Variants in ARHGDIB observed in about 807,000 individuals in gnomAD.
ARHGDIB encodes the protein Rho GDP dissociation inhibitor beta.
ARHGDIB carries 20 observed loss-of-function variants against 22.6 expected under a neutral mutation model. The observed-to-expected ratio is 0.88, with a 90% CI of 0.62 to 1.28. The LOEUF (loss-of-function observed/expected upper bound fraction) is 1.28, where lower values mean the gene tolerates loss of function less well. Among genes scored for constraint, ARHGDIB ranks in the 50% most tolerant of loss-of-function variants. The pLI, the probability that ARHGDIB is intolerant of heterozygous loss-of-function variation, is 0.00. For synonymous variants in ARHGDIB, 114 were observed against 96.1 expected (o/e 1.19, Z -1.09); for missense variants, 254 against 245.4 (o/e 1.04, Z -0.23).
chr12:14,942,146 A>G lies in ARHGDIB; in HGVS notation c.*376T>C, dbSNP rs970559454. 5 of 226,224 alleles carry G rather than the reference A, an allele frequency of 2.2e-5. No homozygotes were observed. The highest frequency in any genetic ancestry group is 2.1e-4 in the Admixed American group (4 of 19,434). 14.0% of individuals were successfully genotyped at this position (226,224 alleles called of 1,614,324 possible). A position where few individuals can be genotyped will look rare whatever the true frequency, so the allele number is the denominator to read the frequency against. ...ACTCATTGGGCCAGCAACAACCACA[A>G]AAGAATCTAGGCATTAGAATGAACT... On this transcript the variant is annotated 3_prime_UTR_variant, in exon 6 of 6. Coordinates refer to ENST00000228945, the MANE Select transcript of ARHGDIB (RefSeq NM_001175.7).
At chr12:14,950,419 CT>C in intron 2 of ARHGDIB, 112 bp downstream of exon 2, 4 of 929,904 alleles carry the variant, frequency 4.3e-6, no homozygotes, top group Non-Finnish European at 6.5e-6. Context: ...GCCTCGCTCA[CT>C]TTTTCCTGGA....
chr12:14,960,378 G>A (rs767080404), intron 1 of ARHGDIB, among the ~76,000 whole-genome samples: 2 of 152,104 alleles, frequency 1.3e-5, no homozygotes, highest in Non-Finnish European at 2.9e-5. Flanking sequence ...CATTTTGAAG[G>A]CCCACTGATC....
intron 1 of ARHGDIB, among the ~76,000 whole-genome samples, chr12:14,952,989 G>A (rs2120736203): frequency 6.6e-6 from 1 of 152,284 alleles, no homozygotes; most frequent in South Asian, 2.1e-4. Flanking sequence ...GAGAAAGAGA[G>A]CGAGAGAGGG....
At chr12:14,945,886 G>A (rs1864002097) in intron 4 of ARHGDIB, among the ~76,000 whole-genome samples, 1 of 152,188 alleles carries the variant, frequency 6.6e-6, no homozygotes, top group South Asian at 2.1e-4. Flanking sequence ...CTGTGATAAA[G>A]CCCAGGCTTT....
chr12:14,947,985 A>G, intron 3 of ARHGDIB, 36 bp from the exon 4 acceptor site: 1 of 1,537,066 alleles, frequency 6.5e-7, no homozygotes, highest in Admixed American at 1.7e-5. Flanking sequence ...TTATCCTCAA[A>G]AGCAGATACA....
In ARHGDIB at chr12:14,942,537, C is replaced by T; in HGVS notation, c.591G>A (p.Lys197=). 1.2e-6 allele frequency: 2 copies of T among 1,614,100 alleles called. No homozygotes were observed. Among genetic ancestry groups the T allele is most frequent in the South Asian group, 1.1e-5 (1 of 91,076 alleles). ...GTGGATGCATTCATTCTGTCCACTC[C>T]TTCTTAATCGACAGGTTCCACTCCC... The part of the protein sequence containing the change: ...LSWEWNLSIK[K]EWTE Residue 197 remains lysine (K), a synonymous_variant, in exon 6 of 6, where the codon AAG becomes AAA. Coordinates refer to ENST00000228945, the MANE Select transcript of ARHGDIB (RefSeq NM_001175.7).
chr12:14,942,285 A>G lies in ARHGDIB; in HGVS notation c.*237T>C. 1.8e-6 allele frequency: 1 copy of G among 548,826 alleles called. No individual in the cohort carries two copies. The highest frequency in any genetic ancestry group is 3.3e-6 in the Non-Finnish European group (1 of 304,678). The allele number at this position is 548,826 out of a possible 1,614,324, so 34.0% of individuals were successfully genotyped here. On this transcript the variant is annotated 3_prime_UTR_variant, in exon 6 of 6. Coordinates refer to ENST00000228945, the MANE Select transcript of ARHGDIB (RefSeq NM_001175.7). ...TAAATGATTGTGTACTGAGATGGAG[A>G]CGTGGAAGATCTGGCCCTGATGGAG...
intron 1 of ARHGDIB, among the ~76,000 whole-genome samples, chr12:14,959,404 T>C (rs1461637866): frequency 6.6e-6 from 1 of 152,132 alleles, no homozygotes; most frequent in Non-Finnish European, 1.5e-5. Context: ...TTCAGAGGCA[T>C]TGTGGCTATT....
At chr12:14,960,429 G>A (rs748299088) in intron 1 of ARHGDIB, among the ~76,000 whole-genome samples, 2 of 152,122 alleles carry the variant, frequency 1.3e-5, no homozygotes, top group Non-Finnish European at 2.9e-5. Context: ...TCTCAAACCT[G>A]TCTCTTAATA....
At chr12:14,959,827 A>C (rs1344918504) in intron 1 of ARHGDIB, among the ~76,000 whole-genome samples, 1 of 152,224 alleles carries the variant, frequency 6.6e-6, no homozygotes, top group African/African-American at 2.4e-5. Context: ...GTTAGTCCTC[A>C]GGTTTTGCAT....
Position 14,949,945 on chromosome 12 carries a change from C to T in ARHGDIB, c.182-60G>A. The T allele has an allele frequency of 1.4e-6, 2 of 1,395,430 alleles. 1 individual carries two copies. Among genetic ancestry groups the T allele is most frequent in the Non-Finnish European group, 2.0e-6 (2 of 1,004,942 alleles). 86.4% of individuals were successfully genotyped at this position (1,395,430 alleles called of 1,614,324 possible). On this transcript the variant is annotated intron_variant, in intron 2 of 5. Transcript: ENST00000228945. ...GAGACATGTGTATAGTGGGTGTGTG[C>T]ATTTCAAGTGGGAGACAGAGAGTAT...
chr12:14,949,950 C>T lies in ARHGDIB; in HGVS notation c.182-65G>A, dbSNP rs1336957783. 9.7e-6 allele frequency: 13 copies of T among 1,341,556 alleles called. No homozygotes were observed. The East Asian group carries it at 2.6e-4, about 27-fold the overall frequency. 83.1% of individuals were successfully genotyped at this position (1,341,556 alleles called of 1,614,324 possible). On this transcript the variant is annotated intron_variant, in intron 2 of 5. Transcript: ENST00000228945. Reference sequence around the variant, plus strand: ...ATGTGTATAGTGGGTGTGTGCATTTCAAGTGGGAGACAGAGAGTATGAAAA... The same window carrying T: ...ATGTGTATAGTGGGTGTGTGCATTTTAAGTGGGAGACAGAGAGTATGAAAA...
chr12:14,942,610 T>G lies in ARHGDIB; in HGVS notation c.518A>C (p.His173Pro). ...ATCGTCGGTGAAGAAGGACTTGTTG[T>G]GGTACGTGCCTCGCGCCAGCATGCC... Reference protein sequence around the residue: ...PKGMLARGTYHNKSFFTDDDK... With the variant: ...PKGMLARGTYPNKSFFTDDDK... Residue 173 changes from histidine (H) to proline (P), a missense_variant, in exon 6 of 6, where the codon CAC becomes CCC. His to Pro is a moderately conservative substitution (Grantham distance 77). Transcript: ENST00000228945. 1 of 1,614,170 alleles carries G rather than the reference T, an allele frequency of 6.2e-7. No homozygotes were observed. Among genetic ancestry groups the G allele is most frequent in the Non-Finnish European group, 8.5e-7 (1 of 1,180,026 alleles).
In ARHGDIB at chr12:14,947,862, A is replaced by C; in HGVS notation, c.342+11T>G. 2.5e-6 allele frequency: 4 copies of C among 1,590,782 alleles called. No homozygotes were observed. Among genetic ancestry groups the C allele is most frequent in the Non-Finnish European group, 3.5e-6 (4 of 1,158,770 alleles). ...TAAACTTTACAAAAACACACAAGGC[A>C]GGATACTTACTTTGAAGTGAATTTT... On this transcript the variant is annotated intron_variant, in intron 4 of 5. Coordinates refer to ENST00000228945, the MANE Select transcript of ARHGDIB (RefSeq NM_001175.7).
chr12:14,960,103 C>G (rs1864381021), intron 1 of ARHGDIB, among the ~76,000 whole-genome samples: 1 of 152,150 alleles, frequency 6.6e-6, no homozygotes, highest in African/African-American at 2.4e-5. Context: ...ATGGCCAGGC[C>G]AACCCTGACT....
chr12:14,950,557 C>T lies in ARHGDIB; in HGVS notation c.156G>A (p.Leu52=), dbSNP rs200666505. ...DESLIKYKKT[L]LGDGPVVTDP... is the part of the protein sequence containing the mutation. ...CTGTCACCACAGGACCATCTCCCAGCAGCGTTTTCTTGTACTTAATTAGAC... is the reference window on the plus strand; with the variant it reads ...CTGTCACCACAGGACCATCTCCCAGTAGCGTTTTCTTGTACTTAATTAGAC... Residue 52 remains leucine, a synonymous_variant, in exon 2 of 6, where the codon CTG becomes CTA. Transcript: ENST00000228945. 244 of 1,613,710 alleles carry T rather than the reference C, an allele frequency of 1.5e-4. 1 individual carries two copies. The East Asian group carries it at 4.9e-3, about 32-fold the overall frequency.
chr12:14,942,801 C>T (rs542973414), intron 5 of ARHGDIB, 80 bp from the exon 6 acceptor site: 3 of 1,239,792 alleles, frequency 2.4e-6, no homozygotes, highest in African/African-American at 3.0e-5. Flanking sequence ...ATCTGGACTA[C>T]AGCCTACAGT....
intron 1 of ARHGDIB, among the ~76,000 whole-genome samples, chr12:14,956,640 A>G (rs114557420): frequency 0.016 from 2,369 of 152,196 alleles, 55 homozygotes; most frequent in African/African-American, 0.054. Flanking sequence ...GTTAATGTGG[A>G]CCCCATTTAT....
chr12:14,949,687 A>G, intron 3 of ARHGDIB, 115 bp downstream of exon 3: 4 of 906,180 alleles, frequency 4.4e-6, no homozygotes, highest in Non-Finnish European at 7.2e-6. Context: ...AACTGGTCCT[A>G]GCATATATAT....
Sources: allele counts gnomAD v4.1 joint callset (sites outside exome capture counted in the v4.1 genomes callset), GRCh38; gene constraint gnomAD v4.1.1; transcripts MANE v1.5; gene names NCBI Gene and HGNC (gene_info 2026-07-23, HGNC 2026-07-21).